The following NUMB variants were observed in gnomAD, a reference collection of about 807,000 sequenced individuals.
NUMB encodes the protein protein numb homolog.
A neutral mutation model predicts 59.7 loss-of-function variants in NUMB; 29 were observed. The observed-to-expected ratio is 0.49, with a 90% CI of 0.36 to 0.66. NUMB has a LOEUF of 0.66. Ranked by LOEUF, NUMB falls within the 30% of genes least tolerant of loss-of-function variation. The probability of loss-of-function intolerance (pLI) is 0.00; values close to 1 mark genes in which losing one functional copy is unlikely to be tolerated. For missense variants in NUMB, 723 were observed against 822.0 expected (o/e 0.88, Z 1.47); for synonymous variants, 288 against 288.2 (o/e 1.00, Z 0.01).
Position 73,355,643 on chromosome 14 carries a change from A to AT in NUMB, c.108dup (p.Cys37MetfsTer2), listed in dbSNP as rs35917041. 1 of 1,613,254 alleles carries AT rather than the reference A, an allele frequency of 6.2e-7. No individual in the cohort carries two copies. Among genetic ancestry groups the AT allele is most frequent in the Non-Finnish European group, 8.5e-7 (1 of 1,179,700 alleles). The stretch of plus-strand genomic sequence containing the variant: ...GCTCTTACCTTAACCGGGAAGCTAC[A>AT]TTTTCCGGTGCGAACGCCTTCTTCA... On this transcript the variant is annotated frameshift_variant, in exon 4 of 13. Transcript: ENST00000555238. LOFTEE classifies it high-confidence loss of function.
intron 1 of NUMB, among the ~76,000 whole-genome samples, chr14:73,413,317 C>T (rs1464016811): frequency 6.6e-6 from 1 of 150,754 alleles, no homozygotes; most frequent in African/African-American, 2.4e-5. Context: ...TAACTTCTGA[C>T]CTCGTGATCC....
At chr14:73,367,691 G>T (rs7159585) in intron 2 of NUMB, among the ~76,000 whole-genome samples, 120,477 of 150,528 alleles carry the variant, frequency 0.8, 48,775 homozygotes, top group African/African-American at 0.92. Context: ...AGAAGGATAG[G>T]TTGAGCCTGG....
chr14:73,372,186 T>A (rs1414373966), intron 2 of NUMB, among the ~76,000 whole-genome samples: 1 of 150,882 alleles, frequency 6.6e-6, no homozygotes, highest in African/African-American at 2.4e-5. Flanking sequence ...TGACCCAAGA[T>A]CATGCCACTG....
chr14:73,392,035 CTTTGT>C (rs889129284), intron 2 of NUMB, among the ~76,000 whole-genome samples: 2 of 152,028 alleles, frequency 1.3e-5, no homozygotes, highest in African/African-American at 4.8e-5. Context: ...TTTTGTTTTG[CTTTGT>C]TTTGTTTTTT....
At chr14:73,403,488 A>G (rs932854761) in intron 2 of NUMB, among the ~76,000 whole-genome samples, 1 of 152,218 alleles carries the variant, frequency 6.6e-6, no homozygotes, top group African/African-American at 2.4e-5. Flanking sequence ...TATTCTGAGT[A>G]TTTGCTCAGG....
At chr14:73,352,425 T>TAC (rs1893350333) in intron 4 of NUMB, among the ~76,000 whole-genome samples, 4 of 51,044 alleles carry the variant, frequency 7.8e-5, no homozygotes, top group Admixed American at 4.8e-4. Flanking sequence ...GTTGTAATAA[T>TAC]ATATATATAC....
chr14:73,433,671 T>G (rs1897929810), intron 1 of NUMB, among the ~76,000 whole-genome samples: 1 of 152,190 alleles, frequency 6.6e-6, no homozygotes, highest in Non-Finnish European at 1.5e-5. Flanking sequence ...AATTTAAGGT[T>G]ACTAAGTTTG....
At chr14:73,412,913 A>G (rs1167926560) in intron 1 of NUMB, among the ~76,000 whole-genome samples, 1 of 151,482 alleles carries the variant, frequency 6.6e-6, no homozygotes, top group East Asian at 2.0e-4. Context: ...GTGCCCTGCC[A>G]AAAGCAACTA....
At chr14:73,379,205 C>A (rs774263703) in intron 2 of NUMB, among the ~76,000 whole-genome samples, 1 of 152,174 alleles carries the variant, frequency 6.6e-6, no homozygotes, top group Non-Finnish European at 1.5e-5. Context: ...TATCAAAAAT[C>A]ATTTCTCAAA....
intron 6 of NUMB, among the ~76,000 whole-genome samples, chr14:73,309,836 T>C (rs1193017983): frequency 1.3e-5 from 2 of 151,256 alleles, no homozygotes; most frequent in African/African-American, 4.8e-5. Flanking sequence ...TAAAATAGAA[T>C]GTAGATTTGA....
intron 8 of NUMB, 85 bp from the exon 9 acceptor site, chr14:73,287,399 G>A (rs1243836745): frequency 3.3e-6 from 4 of 1,220,390 alleles, no homozygotes; most frequent in Non-Finnish European, 4.5e-6. Context: ...TTTTGTTTTT[G>A]AGACAGAGTC....
chr14:73,310,214 A>T (rs763289244), intron 6 of NUMB, among the ~76,000 whole-genome samples: 5 of 152,212 alleles, frequency 3.3e-5, no homozygotes, highest in Non-Finnish European at 5.9e-5. Flanking sequence ...AGGGAGTTGC[A>T]GGGATTGTGG....
chr14:73,282,512 G>A lies in NUMB; in HGVS notation c.950-7C>T, dbSNP rs59823984. ...TCCCCTTCTACTTCTGGCACTGCAAGGCAAACAGAAAATGGCTCCAGACAG... is the reference window on the plus strand; with the variant it reads ...TCCCCTTCTACTTCTGGCACTGCAAAGCAAACAGAAAATGGCTCCAGACAG... On this transcript the variant is annotated splice_polypyrimidine_tract_variant and splice_region_variant and intron_variant, in intron 10 of 12. Transcript: ENST00000555238. 3 of 1,611,052 alleles carry A rather than the reference G, an allele frequency of 1.9e-6. No individual in the cohort carries two copies. The highest frequency in any genetic ancestry group is 1.6e-4 in the Middle Eastern group (1 of 6,064).
intron 2 of NUMB, among the ~76,000 whole-genome samples, chr14:73,367,348 T>TATATAG (rs1555375287): frequency 0.032 from 3,363 of 105,196 alleles, 63 homozygotes; most frequent in Middle Eastern, 0.044. Flanking sequence ...TATATATATA[T>TATATAG]AGAGAGAGAG....
chr14:73,450,962 A>G (rs1047050356), intron 1 of NUMB, among the ~76,000 whole-genome samples: 1 of 151,906 alleles, frequency 6.6e-6, no homozygotes, highest in Non-Finnish European at 1.5e-5. Flanking sequence ...GACTAGCCTG[A>G]GCAACACGGT....
At chr14:73,362,342 G>A (rs909554857) in intron 3 of NUMB, among the ~76,000 whole-genome samples, 1 of 152,060 alleles carries the variant, frequency 6.6e-6, no homozygotes. Flanking sequence ...AATGGGAGAC[G>A]ATTCCCAGTT....
At chr14:73,301,315 T>TAGG (rs1890117512) in intron 6 of NUMB, among the ~76,000 whole-genome samples, 2 of 152,226 alleles carry the variant, frequency 1.3e-5, no homozygotes, top group Admixed American at 1.3e-4. Context: ...AGGCAACAGA[T>TAGG]AGGACTACTT....
intron 5 of NUMB, among the ~76,000 whole-genome samples, chr14:73,321,010 C>A (rs1383383086): frequency 6.6e-6 from 1 of 151,040 alleles, no homozygotes; most frequent in Non-Finnish European, 1.5e-5. Flanking sequence ...GTATTTTATA[C>A]AATAAACATA....
At chr14:73,452,495 C>G (rs960205146) in intron 1 of NUMB, among the ~76,000 whole-genome samples, 2 of 152,136 alleles carry the variant, frequency 1.3e-5, no homozygotes, top group Non-Finnish European at 2.9e-5. Context: ...ATACTCCCTC[C>G]ACGTCAAAAG....
Sources: gnomAD v4.1 joint callset for allele counts (sites outside exome capture counted in the v4.1 genomes callset) on GRCh38, gnomAD v4.1.1 for gene constraint, MANE v1.5 for transcripts, NCBI Gene and HGNC (gene_info 2026-07-23, HGNC 2026-07-21) for gene names.